GEMIN5: variants seen among roughly 807,000 people sequenced by gnomAD.
The protein encoded by GEMIN5 is gem-associated protein 5.
Under a neutral mutation model 176.9 loss-of-function variants are expected in GEMIN5, and 124 were observed. The ratio of observed to expected loss-of-function variants is 0.70; its 90% CI spans 0.61 to 0.81. GEMIN5 has a LOEUF of 0.81. Among genes scored for constraint, GEMIN5 ranks in the 40% least tolerant of loss-of-function variants. GEMIN5 has a pLI of 0.00. For synonymous variants in GEMIN5, 673 were observed against 665.2 expected, an observed-to-expected ratio of 1.01 and a Z score of -0.18; for missense variants, 1,843 against 1,814.6, an observed-to-expected ratio of 1.02 and a Z score of -0.28.
At chr5:154,896,405 A>G in intron 23 of GEMIN5, 62 bp from the exon 24 acceptor site, 1 of 1,469,306 alleles carries the variant, frequency 6.8e-7, no homozygotes, top group Non-Finnish European at 9.1e-7. Flanking sequence ...TGATCTCGAG[A>G]GCTCTCCCGT....
chr5:154,909,981 G>GAAA (rs113442614), intron 15 of GEMIN5, among the ~76,000 whole-genome samples: 1 of 143,524 alleles, frequency 7.0e-6, no homozygotes, highest in Admixed American at 6.9e-5. Flanking sequence ...TCCGTTTCAA[G>GAAA]AAAAAAAAAA....
At chr5:154,906,367 A>C (rs1237956579) in intron 16 of GEMIN5, among the ~76,000 whole-genome samples, 1 of 152,132 alleles carries the variant, frequency 6.6e-6, no homozygotes, top group Non-Finnish European at 1.5e-5. Flanking sequence ...AGGAGTTCCT[A>C]TACTTTGCTC....
At chr5:154,902,471 T>C (rs370613879) in intron 20 of GEMIN5, 68 bp downstream of exon 20, 1 of 1,454,226 alleles carries the variant, frequency 6.9e-7, no homozygotes, top group Admixed American at 1.7e-5. Context: ...CTAAGAGCCA[T>C]CTTTAGTGGA....
At chr5:154,916,905 A>T in intron 13 of GEMIN5, 93 bp downstream of exon 13, 1 of 617,444 alleles carries the variant, frequency 1.6e-6, no homozygotes, top group Non-Finnish European at 2.7e-6. Context: ...ATTTTATTAT[A>T]ATGTCAAAAA....
intron 11 of GEMIN5, 62 bp downstream of exon 11, chr5:154,919,905 A>ATGGGAAACACAGAG (rs1462383591): frequency 1.5e-5 from 21 of 1,443,408 alleles, no homozygotes; most frequent in Non-Finnish European, 1.9e-5. Flanking sequence ...ATTTTGCAAG[A>ATGGGAAACACAGAG]TGGGAAACAC....
chr5:154,917,893 G>A (rs757240892), intron 12 of GEMIN5, 38 bp downstream of exon 12: 4 of 1,307,136 alleles, frequency 3.1e-6, no homozygotes, highest in Admixed American at 3.4e-5. Flanking sequence ...ATATATGTGC[G>A]ATTGCAAATT....
At chr5:154,917,873 T>C in intron 12 of GEMIN5, 58 bp downstream of exon 12, 4 of 1,089,112 alleles carry the variant, frequency 3.7e-6, no homozygotes, top group Non-Finnish European at 5.7e-6. Flanking sequence ...ATTAGTCAGC[T>C]TGTGATCAAA....
chr5:154,915,414 A>ATT (rs1318178538), intron 13 of GEMIN5, among the ~76,000 whole-genome samples: 2 of 152,190 alleles, frequency 1.3e-5, no homozygotes, highest in Admixed American at 1.3e-4. Context: ...CTTCACTCAT[A>ATT]TTTAAAACTG....
In GEMIN5 at chr5:154,911,787, C is replaced by A; in HGVS notation, c.2107G>T (p.Asp703Tyr). The A allele has an allele frequency of 6.2e-7, 1 of 1,614,092 alleles. No homozygotes were observed. Among genetic ancestry groups the A allele is most frequent in the Non-Finnish European group, 8.5e-7 (1 of 1,179,932 alleles). ...AGCCACTTGTGCACACAAAAGTCATCTGCCCCTGAATAGATGCAGTCTGGA... is the reference window on the plus strand; with the variant it reads ...AGCCACTTGTGCACACAAAAGTCATATGCCCCTGAATAGATGCAGTCTGGA... ...LDPDCIYSGA[D>Y]DFCVHKWLTS... Residue 703 changes from aspartate (D) to tyrosine (Y), a missense_variant, in exon 15 of 28, where the codon GAT becomes TAT. By Grantham distance (160) the Asp-to-Tyr change is radical. Transcript: ENST00000285873.
intron 13 of GEMIN5, among the ~76,000 whole-genome samples, chr5:154,914,032 T>G (rs1763763037): frequency 6.6e-6 from 1 of 152,144 alleles, no homozygotes; most frequent in South Asian, 2.1e-4. Flanking sequence ...CATAATTTTT[T>G]TTTTTTTGAG....
chr5:154,935,739 G>T, intron 3 of GEMIN5, 102 bp downstream of exon 3: 1 of 784,678 alleles, frequency 1.3e-6, no homozygotes, highest in Non-Finnish European at 2.1e-6. Context: ...AACATCTGTA[G>T]ATGGTTTCCT....
At chr5:154,928,475 C>T in intron 6 of GEMIN5, 52 bp downstream of exon 6, 1 of 1,575,484 alleles carries the variant, frequency 6.3e-7, no homozygotes, top group Non-Finnish European at 8.7e-7. Context: ...GGACTTGAGG[C>T]CAAATAGAAA....
intron 24 of GEMIN5, 111 bp from the exon 25 acceptor site, chr5:154,892,660 A>G (rs757224119): frequency 3.0e-5 from 32 of 1,050,906 alleles, no homozygotes; most frequent in Non-Finnish European, 4.3e-5. Flanking sequence ...CACAATTCAC[A>G]CTTTGAAAGT....
chr5:154,888,315 A>T lies in GEMIN5; in HGVS notation c.4422T>A (p.Phe1474Leu), dbSNP rs1461834831. ...GCATTTCCTGGGCCAGACAGCCAGG[A>T]AAGTGGGACCTGATGAGAAGCAGGA... ...CLVLLLIRSH[F>L]PGCLAQEMQQ... The change falls in exon 28 of 28, where the codon TTT becomes TTA. Residue 1474 changes from phenylalanine (F) to leucine (L), a missense_variant. Physicochemically the swap from Phe to Leu is conservative, Grantham distance 22. Transcript: ENST00000285873. 1 of 1,614,210 alleles carries T rather than the reference A, an allele frequency of 6.2e-7. No homozygotes were observed. The highest frequency in any genetic ancestry group is 1.7e-5 in the Admixed American group (1 of 60,020).
At position 154,899,174 on chromosome 5, in the gene GEMIN5, C is replaced by T. The variant is rs760353057; in HGVS notation, c.3134+17G>A. The T allele has an allele frequency of 6.2e-7, 1 of 1,601,738 alleles. No homozygotes were observed. Among genetic ancestry groups the T allele is most frequent in the Admixed American group, 1.7e-5 (1 of 57,774 alleles). On this transcript the variant is annotated intron_variant, in intron 22 of 27. Transcript: ENST00000285873. ...GCTCTCCTATGTTGGAAGCATCCCT[C>T]CACTCCTCAGGCTTACCATTTGGCA...
chr5:154,924,401 C>T, intron 9 of GEMIN5, 68 bp downstream of exon 9: 1 of 861,626 alleles, frequency 1.2e-6, no homozygotes, highest in Non-Finnish European at 1.9e-6. Context: ...AGGGATTATT[C>T]TAGAGCAGGG....
intron 15 of GEMIN5, among the ~76,000 whole-genome samples, chr5:154,908,398 C>T (rs1763619175): frequency 6.6e-6 from 1 of 152,032 alleles, no homozygotes; most frequent in South Asian, 2.1e-4. Context: ...TCAGGCTGGT[C>T]TCAAACTCCT....
rs751808928 is a variant in GEMIN5 at position 154,905,487 on chromosome 5, G to A, written c.2396-11C>T. On this transcript the variant is annotated splice_polypyrimidine_tract_variant and intron_variant, in intron 16 of 27. Coordinates refer to ENST00000285873, the MANE Select transcript of GEMIN5 (RefSeq NM_015465.5). ...CTGGTTCTCTAGAAACTACATCATG[G>A]GGGAAAAAGGAAAAAAAAAGTTAAG... is the stretch of plus-strand genomic sequence containing the variant. 2.3e-6 allele frequency: 3 copies of A among 1,320,854 alleles called. No individual in the cohort carries two copies. The highest frequency in any genetic ancestry group is 2.6e-5 in the South Asian group (2 of 77,030). The allele number at this position is 1,320,854 out of a possible 1,614,324, so 81.8% of individuals were successfully genotyped here.
rs770110472 is a variant in GEMIN5, at chr5:154,903,108, A to G, written c.2700T>C (p.Ala900=). Residue 900 remains alanine, a synonymous_variant, in exon 19 of 28, where the codon GCT becomes GCC. Transcript: ENST00000285873. ...RFHLGLFTDR[A]TLYRMIDIEG... is the part of the protein sequence containing the mutation. ...CAATATCAATCATTCTATACAGGGT[A>G]GCCCTGTCTGTGAAAAGCCCCAGAT... The G allele has an allele frequency of 6.2e-7, 1 of 1,602,718 alleles. No individual in the cohort carries two copies. The highest frequency in any genetic ancestry group is 8.6e-7 in the Non-Finnish European group (1 of 1,169,560).
Sources: allele counts gnomAD v4.1 joint callset (sites outside exome capture counted in the v4.1 genomes callset), GRCh38; gene constraint gnomAD v4.1.1; transcripts MANE v1.5; gene names NCBI Gene and HGNC (gene_info 2026-07-23, HGNC 2026-07-21).